The following RGS7 variants were observed in gnomAD, a reference collection of about 807,000 sequenced individuals.
RGS7 encodes the protein regulator of G-protein signaling 7.
RGS7 carries 27 observed loss-of-function variants against 81.1 expected under a neutral mutation model. The observed-to-expected ratio is 0.33, with a 90% confidence interval of 0.25 to 0.46. The LOEUF is 0.46. RGS7 is among the 20% of genes least tolerant of loss of function. The pLI is 1.00. For synonymous variants in RGS7, 208 were observed against 207.7 expected (o/e 1.00, Z -0.01); for missense variants, 396 against 607.4 (o/e 0.65, Z 3.66).
At chr1:241,124,267 C>T (rs775997349) in intron 2 of RGS7, among the ~76,000 whole-genome samples, 4 of 144,048 alleles carry the variant, frequency 2.8e-5, no homozygotes, top group African/African-American at 8.8e-5. Flanking sequence ...TAGTGCTGCA[C>T]GCCTATAGTC....
chr1:240,854,514 G>T (rs148893872), intron 9 of RGS7, among the ~76,000 whole-genome samples: 254 of 152,230 alleles, frequency 1.7e-3, no homozygotes, highest in African/African-American at 5.8e-3. Flanking sequence ...AATAGTAGGG[G>T]AGAAGATCCA....
At chr1:241,003,254 G>A (rs1413487947) in intron 3 of RGS7, among the ~76,000 whole-genome samples, 1 of 152,072 alleles carries the variant, frequency 6.6e-6, no homozygotes, top group East Asian at 1.9e-4. Flanking sequence ...GAGTTCAGGA[G>A]ATCAAGACCA....
intron 2 of RGS7, among the ~76,000 whole-genome samples, chr1:241,187,722 T>C (rs146270112): frequency 5.9e-5 from 9 of 152,324 alleles, no homozygotes; most frequent in Middle Eastern, 6.8e-3. Context: ...AAGTATATAC[T>C]GCCACTTATC....
At chr1:241,293,350 G>C (rs2079195565) in intron 2 of RGS7, among the ~76,000 whole-genome samples, 1 of 152,132 alleles carries the variant, frequency 6.6e-6, no homozygotes, top group Non-Finnish European at 1.5e-5. Context: ...TCATTATTTA[G>C]AGTGTATTTT....
At chr1:240,983,021 C>T (rs919597863) in intron 4 of RGS7, 58 bp downstream of exon 4, 1 of 961,302 alleles carries the variant, frequency 1.0e-6, no homozygotes, top group Non-Finnish European at 1.7e-6. Flanking sequence ...CCTGATGAAA[C>T]ATATTTCTTA....
rs372858961 is a variant in RGS7, at chr1:240,795,316, G to A, written c.*6+5325C>T. Among the ~76,000 whole-genome samples the A allele has an allele frequency of 5.9e-5, 9 of 152,218 alleles. No homozygotes were observed. In the South Asian group the frequency reaches 6.2e-4, roughly 11 times the overall value. On this transcript the variant is annotated intron_variant, in intron 18 of 18. Transcript: ENST00000440928. ...TCTTAAAAAAAACAATATGTTTCCC[G>A]GAAAGTAGCTACAGTTCTTCACTGA...
intron 6 of RGS7, among the ~76,000 whole-genome samples, chr1:240,895,574 G>A (rs1319103162): frequency 6.6e-6 from 1 of 152,104 alleles, no homozygotes; most frequent in Non-Finnish European, 1.5e-5. Context: ...TGCTCAGAAT[G>A]ATGGTTACCA....
intron 4 of RGS7, among the ~76,000 whole-genome samples, chr1:240,938,582 T>C (rs1677033917): frequency 6.6e-6 from 1 of 152,222 alleles, no homozygotes; most frequent in Non-Finnish European, 1.5e-5. Flanking sequence ...TGATGCCCCT[T>C]GAAATTGTTA....
intron 4 of RGS7, among the ~76,000 whole-genome samples, chr1:240,972,704 A>C (rs1380106600): frequency 8.0e-5 from 3 of 37,668 alleles, no homozygotes; most frequent in Non-Finnish European, 1.5e-4. Flanking sequence ...AATAAAAAAA[A>C]AAAAAACAAA....
chr1:240,983,379 A>G lies in RGS7; in HGVS notation c.176-250T>C, dbSNP rs528977208. Reference sequence around the variant, plus strand: ...AAATATGTAAATGGAAATAAAATTTACTGTACTAGTAGAAAGTGATTTGTT... The same window carrying G: ...AAATATGTAAATGGAAATAAAATTTGCTGTACTAGTAGAAAGTGATTTGTT... On this transcript the variant is annotated intron_variant, in intron 3 of 18. Transcript: ENST00000440928. Among the ~76,000 whole-genome samples the G allele has an allele frequency of 2.6e-5, 4 of 152,320 alleles. No individual in the cohort carries two copies. The East Asian group carries it at 7.7e-4, about 29-fold the overall frequency.
chr1:241,046,491 C>T (rs1418606073), intron 3 of RGS7, among the ~76,000 whole-genome samples: 1 of 152,228 alleles, frequency 6.6e-6, no homozygotes, highest in Non-Finnish European at 1.5e-5. Flanking sequence ...AGTGGCCAAA[C>T]TTTTGATATC....
chr1:241,113,189 T>C (rs984609811), intron 2 of RGS7, among the ~76,000 whole-genome samples: 1 of 152,184 alleles, frequency 6.6e-6, no homozygotes, highest in African/African-American at 2.4e-5. Context: ...AAAATCAGAA[T>C]GTCTAGTTGC....
intron 3 of RGS7, among the ~76,000 whole-genome samples, chr1:241,005,679 C>T (rs1465426727): frequency 6.6e-6 from 1 of 152,040 alleles, no homozygotes; most frequent in African/African-American, 2.4e-5. Context: ...GGATTACAGG[C>T]ATCCATCACC....
chr1:241,064,262 G>A (rs1043901749), intron 3 of RGS7, among the ~76,000 whole-genome samples: 7 of 151,066 alleles, frequency 4.6e-5, no homozygotes, highest in Admixed American at 2.6e-4. Flanking sequence ...ACAAGACACC[G>A]ATATTGAAAT....
intron 2 of RGS7, among the ~76,000 whole-genome samples, chr1:241,250,416 T>A (rs1449666065): frequency 1.3e-5 from 2 of 152,084 alleles, no homozygotes. Context: ...CAAAACAGCA[T>A]CCTGAATAAA....
intron 2 of RGS7, among the ~76,000 whole-genome samples, chr1:241,292,385 G>C (rs1411756417): frequency 6.6e-6 from 1 of 152,064 alleles, no homozygotes; most frequent in Non-Finnish European, 1.5e-5. Context: ...AAAAAGAGAG[G>C]ACTCAAAGGG....
intron 15 of RGS7, among the ~76,000 whole-genome samples, chr1:240,804,570 A>G (rs1688537503): frequency 6.6e-6 from 1 of 152,170 alleles, no homozygotes; most frequent in Admixed American, 6.5e-5. Context: ...GGATCCTCTT[A>G]GGCAAGAATA....
At chr1:241,156,080 GCACACA>G (rs149769224) in intron 2 of RGS7, among the ~76,000 whole-genome samples, 6 of 145,832 alleles carry the variant, frequency 4.1e-5, no homozygotes, top group Middle Eastern at 3.5e-3. Context: ...ACACACGCAC[GCACACA>G]CACACACACA....
chr1:241,248,378 GTATATATACATACATACATATGTATA>G (rs1558235016), intron 2 of RGS7, among the ~76,000 whole-genome samples: 2 of 145,888 alleles, frequency 1.4e-5, no homozygotes, highest in East Asian at 3.9e-4. Context: ...GTATATATAT[GTATATATACATACATACATATGTATA>G]TATATATACA....
Sources: allele counts gnomAD v4.1 joint callset (sites outside exome capture counted in the v4.1 genomes callset), GRCh38; gene constraint gnomAD v4.1.1; transcripts MANE v1.5; gene names NCBI Gene and HGNC (gene_info 2026-07-23, HGNC 2026-07-21).